Variants in SSH2 observed in about 807,000 individuals in gnomAD.
The protein encoded by SSH2 is slingshot protein phosphatase 2.
In SSH2, 37 loss-of-function variants were observed where a neutral mutation model predicts 135.2. The observed-to-expected ratio is 0.27, with a 90% confidence interval of 0.21 to 0.36. The LOEUF (loss-of-function observed/expected upper bound fraction) is 0.36, where lower values mean the gene tolerates loss of function less well. SSH2 is among the 10% of genes least tolerant of loss of function. The pLI is 1.00. For synonymous variants in SSH2, 628 were observed against 646.2 expected (o/e 0.97, Z 0.43); for missense variants, 1,408 against 1,765.3 (o/e 0.80, Z 3.63).
intron 3 of SSH2, among the ~76,000 whole-genome samples, chr17:29,708,703 G>A (rs2151140242): frequency 6.6e-6 from 1 of 151,586 alleles, no homozygotes; most frequent in South Asian, 2.1e-4. Context: ...AAACAGAACT[G>A]CAGTAAACTC....
At chr17:29,691,130 G>GA (rs1314678405) in intron 5 of SSH2, among the ~76,000 whole-genome samples, 2 of 151,752 alleles carry the variant, frequency 1.3e-5, no homozygotes, top group African/African-American at 2.4e-5. Flanking sequence ...TTTATAGCTA[G>GA]AAAAAATGAA....
intron 3 of SSH2, among the ~76,000 whole-genome samples, chr17:29,781,645 A>C (rs947397053): frequency 6.6e-6 from 1 of 151,324 alleles, no homozygotes; most frequent in East Asian, 1.9e-4. Context: ...ACGCCTGGCC[A>C]ATTTTTGTAT....
intron 3 of SSH2, chr17:29,780,500 C>T (rs1160723320): frequency 2.0e-5 from 3 of 149,418 alleles, no homozygotes; most frequent in Admixed American, 6.7e-5. Flanking sequence ...TCTTGGCTCA[C>T]TGCAACTTCC....
At chr17:29,742,265 C>G (rs1300436564) in intron 3 of SSH2, among the ~76,000 whole-genome samples, 1 of 148,874 alleles carries the variant, frequency 6.7e-6, no homozygotes, top group Non-Finnish European at 1.5e-5. Flanking sequence ...CGGTTAAAAA[C>G]AAACAAAAAA....
chr17:29,647,820 G>A (rs1310195629), intron 14 of SSH2: 6 of 271,460 alleles, frequency 2.2e-5, no homozygotes, highest in Admixed American at 4.9e-5. Context: ...CCATCATCAT[G>A]CCCAGCTAAT....
chr17:29,679,645 ATCCACCCG>A (rs2037884477), intron 6 of SSH2, among the ~76,000 whole-genome samples: 1 of 152,168 alleles, frequency 6.6e-6, no homozygotes, highest in African/African-American at 2.4e-5. Flanking sequence ...ACCTCAGGTG[ATCCACCCG>A]CCTTGGCCTC....
chr17:29,638,033 G>A (rs190530485), intron 14 of SSH2, among the ~76,000 whole-genome samples: 22 of 151,974 alleles, frequency 1.4e-4, no homozygotes, highest in Non-Finnish European at 3.1e-4. Context: ...AGAACTCCTT[G>A]AACCCGGGAG....
Position 29,819,555 on chromosome 17 carries a change from C to T in SSH2, c.145-25618G>A, listed in dbSNP as rs550797395. Among the ~76,000 whole-genome samples the T allele has an allele frequency of 3.8e-4, 58 of 152,172 alleles. 1 individual carries two copies. The highest frequency in any genetic ancestry group is 3.4e-3 in the Middle Eastern group (1 of 294). On this transcript the variant is annotated intron_variant, in intron 2 of 15. Coordinates refer to ENST00000540801, the MANE Select transcript of SSH2 (RefSeq NM_001282129.2). ...ATTGAGATGGCACACAAAATGGTTT[C>T]GTTCTATATTTTCTGCAAGATCTAA...
chr17:29,709,052 A>AGAGAGAGAGAGAGAGAGAGAGCGCGC (rs1491229455), intron 3 of SSH2, among the ~76,000 whole-genome samples: 1 of 144,602 alleles, frequency 6.9e-6, no homozygotes, highest in African/African-American at 2.6e-5. Flanking sequence ...AGAGAGAGAG[A>AGAGAGAGAGAGAGAGAGAGAGCGCGC]GCTAATAATA....
chr17:29,839,300 G>A (rs1388817518), intron 2 of SSH2, among the ~76,000 whole-genome samples: 3 of 152,130 alleles, frequency 2.0e-5, no homozygotes, highest in Non-Finnish European at 4.4e-5. Context: ...GATCCAGGCC[G>A]GTAATGTGTA....
chr17:29,739,941 A>T (rs1042933937), intron 3 of SSH2, among the ~76,000 whole-genome samples: 1 of 152,218 alleles, frequency 6.6e-6, no homozygotes, highest in Non-Finnish European at 1.5e-5. Context: ...CTGCAGAAAC[A>T]GCTAGTGATT....
chr17:29,842,453 CAAA>C (rs372367860), intron 2 of SSH2, among the ~76,000 whole-genome samples: 23 of 117,710 alleles, frequency 2.0e-4, no homozygotes, highest in Admixed American at 1.7e-4. Context: ...GACTCAGTGT[CAAA>C]AAAAAAAAAA....
At chr17:29,687,313 G>T (rs762098751) in intron 5 of SSH2, among the ~76,000 whole-genome samples, 1 of 152,216 alleles carries the variant, frequency 6.6e-6, no homozygotes, top group Non-Finnish European at 1.5e-5. Flanking sequence ...ACAAACAGCA[G>T]AAGTGGCTAC....
chr17:29,636,777 T>G lies in SSH2; in HGVS notation c.1453A>C (p.Arg485=). Residue 485 remains arginine, a synonymous_variant, in exon 15 of 16, where the codon AGA becomes CGA. Transcript: ENST00000540801. The part of the protein sequence containing the change: ...ASKQRHNKLW[R]SHSDSDLSDH... ...GAGAGGTCACTATCTGAATGAGATC[T>G]CCATAGTTTGTTATGCCGCTGTTTG... 1 of 1,610,426 alleles carries G rather than the reference T, an allele frequency of 6.2e-7. No homozygotes were observed. The highest frequency in any genetic ancestry group is 8.5e-7 in the Non-Finnish European group (1 of 1,177,478).
intron 2 of SSH2, among the ~76,000 whole-genome samples, chr17:29,843,034 GAAAAAATAAAC>G (rs780978957): frequency 3.3e-5 from 5 of 152,098 alleles, no homozygotes; most frequent in Non-Finnish European, 7.4e-5. Context: ...AAATGAGTCT[GAAAAAATAAAC>G]AGAAAATACA....
At chr17:29,715,173 C>T (rs572791924) in intron 3 of SSH2, among the ~76,000 whole-genome samples, 5 of 150,848 alleles carry the variant, frequency 3.3e-5, no homozygotes, top group South Asian at 2.1e-4. Flanking sequence ...GGTGATTCCT[C>T]GGTTTTTTCT....
intron 3 of SSH2, among the ~76,000 whole-genome samples, chr17:29,708,196 T>A (rs2039285686): frequency 1.3e-5 from 2 of 152,226 alleles, no homozygotes; most frequent in African/African-American, 2.4e-5. Flanking sequence ...GGTTGGTATA[T>A]CTTGCCAGAA....
chr17:29,884,410 G>C (rs2066196017), intron 1 of SSH2, among the ~76,000 whole-genome samples: 1 of 152,006 alleles, frequency 6.6e-6, no homozygotes, highest in African/African-American at 2.4e-5. Context: ...CTTACATATG[G>C]GGGCTTTCAG....
At chr17:29,832,320 T>A (rs746759517) in intron 2 of SSH2, among the ~76,000 whole-genome samples, 5 of 152,138 alleles carry the variant, frequency 3.3e-5, no homozygotes, top group Admixed American at 6.5e-5. Flanking sequence ...CTGGTAGAGA[T>A]GGAGTCTCCC....
Sources: allele counts gnomAD v4.1 joint callset (sites outside exome capture counted in the v4.1 genomes callset), GRCh38; gene constraint gnomAD v4.1.1; transcripts MANE v1.5; gene names NCBI Gene and HGNC (gene_info 2026-07-23, HGNC 2026-07-21).